SLC8A1: variants seen among roughly 807,000 people sequenced by gnomAD.
The protein encoded by SLC8A1 is sodium/calcium exchanger 1.
A neutral mutation model predicts 68.3 loss-of-function variants in SLC8A1; 18 were observed. That is an observed-to-expected ratio of 0.26 (90% confidence interval 0.18 to 0.39). SLC8A1 has a LOEUF of 0.39. Among genes scored for constraint, SLC8A1 ranks in the 10% least tolerant of loss-of-function variants. The pLI is 1.00. For missense variants in SLC8A1, 985 were observed against 1,156.7 expected, an observed-to-expected ratio of 0.85 and a Z score of 2.15; for synonymous variants, 475 against 415.5, an observed-to-expected ratio of 1.14 and a Z score of -1.74.
intron 2 of SLC8A1, among the ~76,000 whole-genome samples, chr2:40,231,314 A>G (rs1273290752): frequency 6.6e-6 from 1 of 152,172 alleles, no homozygotes; most frequent in African/African-American, 2.4e-5. Context: ...TAAGAAATGG[A>G]AAATGTTCAT....
At chr2:40,340,093 T>C (rs886924954) in intron 2 of SLC8A1, among the ~76,000 whole-genome samples, 1 of 152,208 alleles carries the variant, frequency 6.6e-6, no homozygotes, top group African/African-American at 2.4e-5. Flanking sequence ...GTAGCTCATA[T>C]CCTCATTAAA....
chr2:40,395,183 T>C lies in SLC8A1; in HGVS notation c.1808+33290A>G, dbSNP rs1421468100. 8.5e-5 allele frequency among the ~76,000 whole-genome samples: 13 copies of C among 152,120 alleles called. 1 individual carries two copies. Among genetic ancestry groups the C allele is most frequent in the Admixed American group, 8.5e-4 (13 of 15,264 alleles). On this transcript the variant is annotated intron_variant, in intron 2 of 7. Transcript: ENST00000406785. ...CAACAACTAAAGAAACAAAAACCTT[T>C]TGAGAAGTCTAAAAGAAGTAGAGAA...
chr2:40,178,542 G>T, intron 2 of SLC8A1, 49 bp from the exon 3 acceptor site: 1 of 1,486,936 alleles, frequency 6.7e-7, no homozygotes. Context: ...GGAAAGAGAA[G>T]AGAAGGAACA....
intron 6 of SLC8A1, among the ~76,000 whole-genome samples, chr2:40,147,956 G>T (rs182918670): frequency 8.1e-4 from 124 of 152,218 alleles, no homozygotes; most frequent in Non-Finnish European, 1.5e-3. Context: ...AGAATCTGAG[G>T]CTCACACCAT....
chr2:40,351,563 T>C (rs13022231), intron 2 of SLC8A1, among the ~76,000 whole-genome samples: 44,008 of 150,284 alleles, frequency 0.29, 7,242 homozygotes, highest in East Asian at 0.64. Context: ...GTCAAGTAGA[T>C]TGGCATACTG....
intron 1 of SLC8A1, among the ~76,000 whole-genome samples, chr2:40,509,158 C>T (rs1045363784): frequency 2.0e-5 from 3 of 152,142 alleles, no homozygotes; most frequent in African/African-American, 7.2e-5. Context: ...GACTTGAAAA[C>T]GTCATGTAAC....
At chr2:40,330,341 G>C (rs2076286225) in intron 2 of SLC8A1, among the ~76,000 whole-genome samples, 2 of 152,136 alleles carry the variant, frequency 1.3e-5, no homozygotes, top group Admixed American at 1.3e-4. Flanking sequence ...CATTCTTTAA[G>C]CTGAATTCCC....
chr2:40,313,060 A>C (rs1306799669), intron 2 of SLC8A1, among the ~76,000 whole-genome samples: 1 of 152,112 alleles, frequency 6.6e-6, no homozygotes, highest in Non-Finnish European at 1.5e-5. Flanking sequence ...TCAAGGTAAT[A>C]AACGTATCCA....
At chr2:40,484,533 C>G (rs1468789464) in intron 1 of SLC8A1, among the ~76,000 whole-genome samples, 1 of 152,202 alleles carries the variant, frequency 6.6e-6, no homozygotes, top group African/African-American at 2.4e-5. Flanking sequence ...AATAGCACCC[C>G]TTAGCACTCC....
chr2:40,410,911 C>T (rs1051394226), intron 2 of SLC8A1, among the ~76,000 whole-genome samples: 16 of 152,040 alleles, frequency 1.1e-4, no homozygotes, highest in Admixed American at 1.0e-3. Flanking sequence ...TAGCCATGCA[C>T]ATAATACCAG....
chr2:40,415,199 A>G (rs1235888464), intron 2 of SLC8A1, among the ~76,000 whole-genome samples: 2 of 152,182 alleles, frequency 1.3e-5, no homozygotes, highest in Non-Finnish European at 2.9e-5. Flanking sequence ...CAAGGTCAGG[A>G]AGTCTCAGGG....
At chr2:40,382,497 G>C (rs946869204) in intron 2 of SLC8A1, among the ~76,000 whole-genome samples, 2 of 152,062 alleles carry the variant, frequency 1.3e-5, no homozygotes, top group Non-Finnish European at 2.9e-5. Context: ...TTTTAAAACA[G>C]TTATCCCTAT....
At chr2:40,176,344 A>T (rs2048465180) in intron 3 of SLC8A1, among the ~76,000 whole-genome samples, 1 of 152,194 alleles carries the variant, frequency 6.6e-6, no homozygotes, top group African/African-American at 2.4e-5. Flanking sequence ...CTAAAACGGC[A>T]ATTGTAAGAG....
chr2:40,137,788 C>T (rs1323786370), intron 7 of SLC8A1, among the ~76,000 whole-genome samples: 1 of 152,058 alleles, frequency 6.6e-6, no homozygotes, highest in Non-Finnish European at 1.5e-5. Context: ...AACAGCCCTG[C>T]TTGCTAAGGT....
intron 2 of SLC8A1, among the ~76,000 whole-genome samples, chr2:40,380,229 A>C (rs918002): frequency 0.73 from 111,807 of 152,130 alleles, 42,481 homozygotes; most frequent in African/African-American, 0.93. Flanking sequence ...CAAGGGCTTG[A>C]CCCCAGGCCA....
chr2:40,428,436 C>T, intron 2 of SLC8A1, 37 bp downstream of exon 2: 10 of 1,464,996 alleles, frequency 6.8e-6, no homozygotes, highest in Non-Finnish European at 9.1e-6. Flanking sequence ...CACACACACA[C>T]ACACACACAC....
chr2:40,467,146 G>A (rs183409815), intron 1 of SLC8A1, among the ~76,000 whole-genome samples: 50 of 152,232 alleles, frequency 3.3e-4, no homozygotes, highest in African/African-American at 1.1e-3. Flanking sequence ...AAGCTGGTTA[G>A]AGCACAGTGC....
intron 2 of SLC8A1, among the ~76,000 whole-genome samples, chr2:40,203,038 C>A (rs2054698340): frequency 1.3e-5 from 2 of 151,986 alleles, no homozygotes. Context: ...GGAGCCCACT[C>A]AGACAACAAC....
In SLC8A1 at chr2:40,475,422, C is replaced by T. The variant is rs1163772926; in HGVS notation, c.-25+36927G>A. On this transcript the variant is annotated intron_variant, in intron 1 of 7. Transcript: ENST00000402441. ...TGCTGGGATTACAGGCATGAGCCAC[C>T]GTGCCCGGCCTATAAAAATTATTGA... Among the ~76,000 whole-genome samples, 6 of 151,984 alleles carry T rather than the reference C, an allele frequency of 3.9e-5. No individual in the cohort carries two copies. In the East Asian group the frequency reaches 7.8e-4, roughly 20 times the overall value.
Sources: gnomAD v4.1 joint callset for allele counts (sites outside exome capture counted in the v4.1 genomes callset) on GRCh38, gnomAD v4.1.1 for gene constraint, MANE v1.5 for transcripts, NCBI Gene and HGNC (gene_info 2026-07-23, HGNC 2026-07-21) for gene names.